Variants in CYP2C18 observed in about 807,000 individuals in gnomAD.
The protein encoded by CYP2C18 is cytochrome P450 2C18.
A neutral mutation model predicts 41.3 loss-of-function variants in CYP2C18; 38 were observed. That is an observed-to-expected ratio of 0.92 (90% CI 0.71 to 1.21). The LOEUF (loss-of-function observed/expected upper bound fraction) is 1.21, where lower values mean the gene tolerates loss of function less well. Ranked by LOEUF, CYP2C18 falls within the 50% of genes most tolerant of loss-of-function variation. The probability of loss-of-function intolerance (pLI) is 0.00; values close to 1 mark genes in which losing one functional copy is unlikely to be tolerated. For missense variants in CYP2C18, 635 were observed against 591.4 expected, an observed-to-expected ratio of 1.07 and a Z score of -0.77; for synonymous variants, 236 against 210.0, an observed-to-expected ratio of 1.12 and a Z score of -1.07.
At chr10:94,710,146 T>G (rs1238202043) in intron 5 of CYP2C18, among the ~76,000 whole-genome samples, 1 of 152,202 alleles carries the variant, frequency 6.6e-6, no homozygotes, top group Non-Finnish European at 1.5e-5. Flanking sequence ...ATTTATTGTA[T>G]TTTTAGCAGA....
At chr10:94,698,600 AG>A (rs1847169645) in intron 4 of CYP2C18, among the ~76,000 whole-genome samples, 2 of 152,352 alleles carry the variant, frequency 1.3e-5, no homozygotes, top group South Asian at 2.1e-4. Context: ...CACATTCAAA[AG>A]CTAGCAGAAG....
At chr10:94,703,804 G>T (rs190789988) in intron 4 of CYP2C18, among the ~76,000 whole-genome samples, 4 of 152,294 alleles carry the variant, frequency 2.6e-5, no homozygotes, top group African/African-American at 7.2e-5. Context: ...TTTGTAGCTA[G>T]CTTGGTGTCT....
At chr10:94,725,507 A>G (rs1391187383) in intron 7 of CYP2C18, among the ~76,000 whole-genome samples, 1 of 152,106 alleles carries the variant, frequency 6.6e-6, no homozygotes, top group African/African-American at 2.4e-5. Flanking sequence ...ACAGCGTTGA[A>G]TAAATCATGA....
rs538342476 is a variant in CYP2C18 at position 94,720,554 on chromosome 10, G to T, written c.961+17G>T. 1 of 1,604,010 alleles carries T rather than the reference G, an allele frequency of 6.2e-7. No homozygotes were observed. On this transcript the variant is annotated intron_variant, in intron 6 of 8. Coordinates refer to ENST00000285979, the MANE Select transcript of CYP2C18 (RefSeq NM_000772.3). ...AGGTCACAGGTATGATGATACCATAGGTGAGCAGGGTGATTTTCAGAAAAG... is the reference window on the plus strand; with the variant it reads ...AGGTCACAGGTATGATGATACCATATGTGAGCAGGGTGATTTTCAGAAAAG...
chr10:94,711,512 A>G (rs549521911), intron 5 of CYP2C18, among the ~76,000 whole-genome samples: 1 of 151,924 alleles, frequency 6.6e-6, no homozygotes, highest in Admixed American at 6.6e-5. Flanking sequence ...GACTCAAGTG[A>G]TCCTCCCACC....
At chr10:94,690,343 G>A (rs1846973531) in intron 3 of CYP2C18, among the ~76,000 whole-genome samples, 1 of 152,126 alleles carries the variant, frequency 6.6e-6, no homozygotes, top group African/African-American at 2.4e-5. Context: ...GTTTGGATGT[G>A]TGTTCCCATT....
At chr10:94,734,107 G>A (rs1847879141) in intron 8 of CYP2C18, among the ~76,000 whole-genome samples, 2 of 152,068 alleles carry the variant, frequency 1.3e-5, no homozygotes, top group South Asian at 4.1e-4. Context: ...CAGAGGTAAT[G>A]GACCATAGTA....
intron 3 of CYP2C18, 113 bp downstream of exon 3, chr10:94,688,387 A>T (rs759496266): frequency 3.4e-5 from 42 of 1,243,982 alleles, no homozygotes; most frequent in African/African-American, 7.7e-5. Context: ...ATATTTTGTT[A>T]CATGCACAGA....
At chr10:94,721,299 G>A (rs1480582183) in intron 6 of CYP2C18, among the ~76,000 whole-genome samples, 4 of 152,134 alleles carry the variant, frequency 2.6e-5, no homozygotes, top group Admixed American at 6.6e-5. Flanking sequence ...ACAGGCATAT[G>A]CCACTGTGCC....
intron 7 of CYP2C18, among the ~76,000 whole-genome samples, chr10:94,731,150 G>A (rs1333987500): frequency 6.6e-6 from 1 of 152,146 alleles, no homozygotes; most frequent in Non-Finnish European, 1.5e-5. Flanking sequence ...GGAGGCCAAG[G>A]CCAGCGGATC....
intron 1 of CYP2C18, among the ~76,000 whole-genome samples, chr10:94,685,097 G>A (rs534178235): frequency 9.9e-5 from 15 of 151,910 alleles, no homozygotes; most frequent in Admixed American, 3.9e-4. Context: ...TGTAGTGATG[G>A]GATCATGGTC....
At chr10:94,699,553 T>G (rs1024871279) in intron 4 of CYP2C18, among the ~76,000 whole-genome samples, 15 of 152,196 alleles carry the variant, frequency 9.9e-5, no homozygotes, top group African/African-American at 3.6e-4. Context: ...AAGCATTCCC[T>G]TTGAAAACAG....
At chr10:94,704,904 T>TC (rs1564642172) in intron 4 of CYP2C18, among the ~76,000 whole-genome samples, 1 of 152,170 alleles carries the variant, frequency 6.6e-6, no homozygotes, top group African/African-American at 2.4e-5. Flanking sequence ...TTGAGAAATG[T>TC]CCATTGCTTT....
chr10:94,691,057 GC>G (rs757115013), intron 3 of CYP2C18, among the ~76,000 whole-genome samples: 2 of 152,152 alleles, frequency 1.3e-5, no homozygotes, highest in African/African-American at 2.4e-5. Flanking sequence ...CAAGCCCACA[GC>G]CAATATCATA....
chr10:94,733,373 C>G lies in CYP2C18; in HGVS notation c.1226C>G (p.Pro409Arg), dbSNP rs775975146. The G allele has an allele frequency of 6.2e-7, 1 of 1,613,454 alleles. No homozygotes were observed. Residue 409 changes from proline (P) to arginine (R), a missense_variant, in exon 8 of 9, where the codon CCT (proline) becomes CGT (arginine). Pro to Arg is a moderately radical substitution (Grantham distance 103). Transcript: ENST00000285979. Reference protein sequence around the residue: ...KEFPNPEMFDPGHFLDKSGNF... With the variant: ...KEFPNPEMFDRGHFLDKSGNF... ...TTCCCCAACCCAGAGATGTTTGACCCTGGCCACTTTCTGGATAAGAGTGGC... is the reference window on the plus strand; with the variant it reads ...TTCCCCAACCCAGAGATGTTTGACCGTGGCCACTTTCTGGATAAGAGTGGC...
intron 6 of CYP2C18, 81 bp downstream of exon 6, chr10:94,720,618 C>T (rs1847631197): frequency 8.9e-6 from 12 of 1,346,180 alleles, no homozygotes; most frequent in Non-Finnish European, 1.2e-5. Context: ...AATCTTGTTT[C>T]TCTTAGAGAA....
intron 2 of CYP2C18, 73 bp from the exon 3 acceptor site, chr10:94,688,052 G>C (rs1475700957): frequency 6.2e-7 from 1 of 1,606,674 alleles, no homozygotes; most frequent in Non-Finnish European, 8.5e-7. Flanking sequence ...ACCTGTCCAC[G>C]TGGCTGCCGA....
chr10:94,708,803 C>A (rs1421692264), intron 5 of CYP2C18, among the ~76,000 whole-genome samples: 4 of 152,142 alleles, frequency 2.6e-5, no homozygotes, highest in Non-Finnish European at 5.9e-5. Context: ...CTATTGTAGA[C>A]ATTTCATGTA....
At chr10:94,709,656 C>A (rs561504663) in intron 5 of CYP2C18, among the ~76,000 whole-genome samples, 1 of 151,962 alleles carries the variant, frequency 6.6e-6, no homozygotes. Flanking sequence ...TTTTTTGTCA[C>A]GTTTAAGAAA....
Sources: gnomAD v4.1 joint callset for allele counts (sites outside exome capture counted in the v4.1 genomes callset) on GRCh38, gnomAD v4.1.1 for gene constraint, MANE v1.5 for transcripts, NCBI Gene and HGNC (gene_info 2026-07-23, HGNC 2026-07-21) for gene names.